ZNF469: variants seen among roughly 807,000 people sequenced by gnomAD.
ZNF469 encodes zinc finger protein 469.
ZNF469 carries 1 observed loss-of-function variant against 1.0 expected under a neutral mutation model. That is an observed-to-expected ratio of 1.00 (90% CI 0.35 to 4.73). The LOEUF (loss-of-function observed/expected upper bound fraction) is 4.73, where lower values mean the gene tolerates loss of function less well. Ranked by LOEUF, ZNF469 falls within the 30% of genes most tolerant of loss-of-function variation. The probability of loss-of-function intolerance (pLI) is 0.16; values close to 1 mark genes in which losing one functional copy is unlikely to be tolerated. For synonymous variants in ZNF469, 2,703 were observed against 2,363.4 expected (o/e 1.14, Z -4.17); for missense variants, 6,100 against 5,356.3 (o/e 1.14, Z -4.33).
the ZNF469 span, among the ~76,000 whole-genome samples, chr16:88,154,385 C>G: frequency 6.6e-6 from 1 of 152,216 alleles, no homozygotes; most frequent in African/African-American, 2.4e-5. Context: ...AGGCTGGTCT[C>G]AAACTCCTGA....
the ZNF469 span, among the ~76,000 whole-genome samples, chr16:88,376,401 G>T: frequency 1.7e-4 from 26 of 152,362 alleles, no homozygotes; most frequent in African/African-American, 6.3e-4. Flanking sequence ...GGGGAGGGAA[G>T]CTGCAGCAGG....
At chr16:88,373,028 A>G in the ZNF469 span, among the ~76,000 whole-genome samples, 13 of 152,312 alleles carry the variant, frequency 8.5e-5, no homozygotes, top group East Asian at 2.5e-3. Context: ...CATCGCCATC[A>G]TCCTCTTCAT....
chr16:88,430,833 G>A lies in ZNF469; in HGVS notation c.3363G>A (p.Arg1121=), dbSNP rs1440177553. Residue 1121 remains arginine, a synonymous_variant, in exon 3 of 3, where the codon AGG becomes AGA. Transcript: ENST00000565624. ...FRGRRGRGEK[R]KEVELTQGPR... ...GCCGGCGGGGCCGAGGCGAGAAGAG[G>A]AAGGAAGTGGAGCTGACCCAGGGTC... 5 of 1,535,030 alleles carry A rather than the reference G, an allele frequency of 3.3e-6. No homozygotes were observed. The highest frequency in any genetic ancestry group is 4.4e-6 in the Non-Finnish European group (5 of 1,145,926).
At chr16:88,230,791 A>C in the ZNF469 span, among the ~76,000 whole-genome samples, 2 of 152,152 alleles carry the variant, frequency 1.3e-5, no homozygotes, top group Non-Finnish European at 2.9e-5. Context: ...CGCAGTCCCC[A>C]CCCGCTGCTG....
At chr16:88,180,603 C>G in the ZNF469 span, among the ~76,000 whole-genome samples, 1 of 152,068 alleles carries the variant, frequency 6.6e-6, no homozygotes, top group Admixed American at 6.6e-5. Context: ...GAAACCCTGT[C>G]TCTACTAAAA....
At chr16:88,185,090 C>T in the ZNF469 span, among the ~76,000 whole-genome samples, 4 of 55,770 alleles carry the variant, frequency 7.2e-5, no homozygotes, top group East Asian at 1.7e-3. Context: ...CACACCTAGA[C>T]ATGGGTACTC....
the ZNF469 span, among the ~76,000 whole-genome samples, chr16:88,228,502 T>C: frequency 1.3e-5 from 2 of 152,244 alleles, no homozygotes; most frequent in Admixed American, 6.5e-5. Context: ...TACTCTCTAC[T>C]CTCAGACAAG....
chr16:88,129,656 C>G, the ZNF469 span, among the ~76,000 whole-genome samples: 2 of 152,092 alleles, frequency 1.3e-5, no homozygotes, highest in South Asian at 4.2e-4. Flanking sequence ...GATTTTGAGA[C>G]CAGCCTAGGC....
the ZNF469 span, among the ~76,000 whole-genome samples, chr16:88,241,520 G>A: frequency 8.5e-5 from 13 of 152,274 alleles, no homozygotes; most frequent in South Asian, 2.1e-4. The surrounding 1 kb of genome is among the most constrained non-coding windows in gnomAD (Gnocchi z 4.8). Context: ...GGGCCCAGGC[G>A]ACAACTGGGG....
the ZNF469 span, among the ~76,000 whole-genome samples, chr16:88,270,484 A>G: frequency 1.3e-5 from 2 of 152,182 alleles, no homozygotes. Flanking sequence ...CGGACTCCAC[A>G]TGGCTGCTCA....
chr16:88,285,590 T>C, the ZNF469 span, among the ~76,000 whole-genome samples: 1 of 152,208 alleles, frequency 6.6e-6, no homozygotes, highest in Non-Finnish European at 1.5e-5. Context: ...CTGTGGCCCA[T>C]TTGGCACCCT....
the ZNF469 span, among the ~76,000 whole-genome samples, chr16:88,130,864 G>A: frequency 0.2 from 29,953 of 151,950 alleles, 2,694 homozygotes; most frequent in East Asian, 0.48. Context: ...CTGGGATGGC[G>A]GGCGCGTGGG....
chr16:88,318,628 C>A, the ZNF469 span, among the ~76,000 whole-genome samples: 2 of 152,262 alleles, frequency 1.3e-5, no homozygotes, highest in Admixed American at 6.5e-5. Flanking sequence ...GAACTCCTGG[C>A]GTGTCCCACA....
chr16:88,428,485 C>T lies in ZNF469; in HGVS notation c.1015C>T (p.Gln339Ter). ...QPAPSPLPCY[Q>*]GQPGGLNRHS... ...TGCGCCCTCACCCCTGCCCTGCTAC[C>T]AGGGCCAGCCAGGTGGCCTGAACCG... Residue 339 changes from glutamine (Q) to a stop codon, truncating the protein, a stop_gained, in exon 3 of 3, where the codon CAG becomes TAG. Transcript: ENST00000565624. LOFTEE classifies it low-confidence loss of function (END_TRUNC). 1 of 1,549,514 alleles carries T rather than the reference C, an allele frequency of 6.5e-7. No homozygotes were observed. The highest frequency in any genetic ancestry group is 8.7e-7 in the Non-Finnish European group (1 of 1,146,802).
chr16:88,193,234 A>G, the ZNF469 span, among the ~76,000 whole-genome samples: 45 of 40,178 alleles, frequency 1.1e-3, no homozygotes, highest in African/African-American at 2.1e-3. Flanking sequence ...GGTGGTGGGG[A>G]TGGTGGTGGT....
the ZNF469 span, among the ~76,000 whole-genome samples, chr16:88,130,845 C>T: frequency 2.0e-5 from 3 of 152,256 alleles, no homozygotes; most frequent in South Asian, 4.1e-4. Context: ...CGCTGGGAAA[C>T]GACGCTGCCT....
chr16:88,408,741 G>C (rs1178612561), intron 1 of ZNF469, among the ~76,000 whole-genome samples: 1 of 152,156 alleles, frequency 6.6e-6, no homozygotes, highest in Admixed American at 6.5e-5. Flanking sequence ...CTCCCGCCTG[G>C]CCCCCGTCCC....
At chr16:88,109,212 C>A in the ZNF469 span, among the ~76,000 whole-genome samples, 2 of 152,214 alleles carry the variant, frequency 1.3e-5, no homozygotes, top group Admixed American at 6.5e-5. Context: ...AGGACACCCA[C>A]AGAGGGTCTC....
upstream of ZNF469, among the ~76,000 whole-genome samples, chr16:88,382,414 C>A (rs183880147): frequency 2.6e-4 from 40 of 152,378 alleles, no homozygotes; most frequent in East Asian, 1.4e-3. Context: ...ACGGGCCAGT[C>A]TGGGGCAGTC....
Sources: allele counts gnomAD v4.1 joint callset (sites outside exome capture counted in the v4.1 genomes callset), GRCh38; gene constraint gnomAD v4.1.1; non-coding constraint Gnocchi (gnomAD v3.1); transcripts MANE v1.5; gene names NCBI Gene and HGNC (gene_info 2026-07-23, HGNC 2026-07-21).